SORCS1: variants seen among roughly 807,000 people sequenced by gnomAD.
SORCS1 encodes the protein VPS10 domain-containing receptor SorCS1.
In SORCS1, 60 loss-of-function variants were observed where a neutral mutation model predicts 146.1. The observed-to-expected ratio is 0.41, with a 90% CI of 0.33 to 0.51. The LOEUF (loss-of-function observed/expected upper bound fraction) is 0.51. Among genes scored for constraint, SORCS1 ranks in the 20% least tolerant of loss-of-function variants. SORCS1 has a pLI of 0.21. For missense variants in SORCS1, 1,352 were observed against 1,487.6 expected, an observed-to-expected ratio of 0.91 and a Z score of 1.50; for synonymous variants, 637 against 584.0, an observed-to-expected ratio of 1.09 and a Z score of -1.31.
chr10:107,048,495 T>C (rs1001570710), intron 1 of SORCS1, among the ~76,000 whole-genome samples: 3 of 152,254 alleles, frequency 2.0e-5, no homozygotes, highest in African/African-American at 4.8e-5. Context: ...CATTGTTTCA[T>C]TCACTGCGGT....
chr10:106,976,706 C>A (rs1012146873), intron 1 of SORCS1, among the ~76,000 whole-genome samples: 1 of 152,074 alleles, frequency 6.6e-6, no homozygotes, highest in South Asian at 2.1e-4. Flanking sequence ...CCTCTCACCC[C>A]CAATTGGCTC....
At chr10:106,997,913 T>C (rs2139575949) in intron 1 of SORCS1, among the ~76,000 whole-genome samples, 1 of 152,202 alleles carries the variant, frequency 6.6e-6, no homozygotes, top group Non-Finnish European at 1.5e-5. Context: ...GGGAGGTGCA[T>C]GGGTAGGGAG....
intron 1 of SORCS1, among the ~76,000 whole-genome samples, chr10:106,963,441 G>T (rs1977467): frequency 0.7 from 106,193 of 151,786 alleles, 37,204 homozygotes; most frequent in Admixed American, 0.73. Flanking sequence ...TTGTTTTCTT[G>T]GCACTCCAAT....
At chr10:106,967,974 G>A (rs1955580636) in intron 1 of SORCS1, among the ~76,000 whole-genome samples, 1 of 151,750 alleles carries the variant, frequency 6.6e-6, no homozygotes, top group Non-Finnish European at 1.5e-5. Context: ...GGAGGCCGAG[G>A]CAGGCGGATC....
chr10:106,990,515 C>T (rs1458971891), intron 1 of SORCS1, among the ~76,000 whole-genome samples: 2 of 152,276 alleles, frequency 1.3e-5, no homozygotes, highest in Admixed American at 1.3e-4. Context: ...AGTGATCTGC[C>T]TGCCTCAGCC....
chr10:106,980,373 T>C (rs1220571247), intron 1 of SORCS1, among the ~76,000 whole-genome samples: 1 of 152,216 alleles, frequency 6.6e-6, no homozygotes. Context: ...TTAAACCAAG[T>C]TTGATGACTT....
chr10:106,664,803 T>G (rs57908636), intron 17 of SORCS1, among the ~76,000 whole-genome samples: 1 of 152,044 alleles, frequency 6.6e-6, no homozygotes, highest in Non-Finnish European at 1.5e-5. Flanking sequence ...ATAACTTCCT[T>G]GACTGATTGA....
chr10:107,078,450 G>A (rs1963065128), intron 1 of SORCS1, among the ~76,000 whole-genome samples: 1 of 152,194 alleles, frequency 6.6e-6, no homozygotes, highest in Admixed American at 6.5e-5. Flanking sequence ...ATAGGATCGG[G>A]ACTTTGCATG....
At chr10:106,680,289 A>T (rs11817518) in intron 10 of SORCS1, among the ~76,000 whole-genome samples, 2 of 152,184 alleles carry the variant, frequency 1.3e-5, no homozygotes, top group Non-Finnish European at 2.9e-5. Flanking sequence ...ACAGTATGTC[A>T]TCAGAAAAGA....
intron 23 of SORCS1, among the ~76,000 whole-genome samples, chr10:106,598,610 T>C (rs1846052895): frequency 6.6e-6 from 1 of 152,168 alleles, no homozygotes; most frequent in South Asian, 2.1e-4. Context: ...AATATTCTAA[T>C]AATCACTTAA....
chr10:107,147,923 C>T (rs2134781910), intron 1 of SORCS1, among the ~76,000 whole-genome samples: 1 of 152,140 alleles, frequency 6.6e-6, no homozygotes, highest in East Asian at 1.9e-4. Context: ...TTCAGGCTTC[C>T]CTTCTTCTTG....
intron 9 of SORCS1, among the ~76,000 whole-genome samples, chr10:106,696,666 T>C (rs376425910): frequency 1.5e-3 from 235 of 152,296 alleles, no homozygotes; most frequent in African/African-American, 5.2e-3. Context: ...AACAAAGCAA[T>C]GTTTGGCATG....
At chr10:107,090,719 C>T (rs923791539) in intron 1 of SORCS1, among the ~76,000 whole-genome samples, 2 of 152,136 alleles carry the variant, frequency 1.3e-5, no homozygotes, top group Admixed American at 6.6e-5. Flanking sequence ...GAAACAACAG[C>T]CTCATTGACT....
At chr10:106,906,532 A>C (rs537798731) in intron 2 of SORCS1, among the ~76,000 whole-genome samples, 3 of 152,344 alleles carry the variant, frequency 2.0e-5, no homozygotes, top group South Asian at 4.1e-4. Context: ...ATAAGGAAGA[A>C]GCAAAAGCAG....
At chr10:106,627,805 C>T (rs1848198515) in intron 19 of SORCS1, among the ~76,000 whole-genome samples, 1 of 152,194 alleles carries the variant, frequency 6.6e-6, no homozygotes. Context: ...CTCCTCCAAT[C>T]CCAAGCCGCT....
intron 21 of SORCS1, among the ~76,000 whole-genome samples, chr10:106,617,820 A>G (rs2133468426): frequency 6.6e-6 from 1 of 152,332 alleles, no homozygotes; most frequent in South Asian, 2.1e-4. Context: ...AACATTAGCT[A>G]TTTTATTTTG....
At chr10:106,630,614 A>G (rs1848385549) in intron 18 of SORCS1, among the ~76,000 whole-genome samples, 1 of 152,236 alleles carries the variant, frequency 6.6e-6, no homozygotes, top group South Asian at 2.1e-4. Flanking sequence ...TGACAAATCT[A>G]TGAACTGGGT....
At chr10:107,130,043 A>T (rs1966850949) in intron 1 of SORCS1, among the ~76,000 whole-genome samples, 1 of 152,196 alleles carries the variant, frequency 6.6e-6, no homozygotes, top group South Asian at 2.1e-4. Context: ...TATTCTAGGG[A>T]AAAAGAACAA....
At chr10:106,644,314 C>T (rs931584993) in intron 18 of SORCS1, among the ~76,000 whole-genome samples, 12 of 151,956 alleles carry the variant, frequency 7.9e-5, no homozygotes, top group South Asian at 2.1e-4. Flanking sequence ...CCAATCACTC[C>T]GCCTCCAAAG....
Sources: gnomAD v4.1 joint callset for allele counts (sites outside exome capture counted in the v4.1 genomes callset) on GRCh38, gnomAD v4.1.1 for gene constraint, MANE v1.5 for transcripts, NCBI Gene and HGNC (gene_info 2026-07-23, HGNC 2026-07-21) for gene names.